Variants in EXOC6B observed in about 807,000 individuals in gnomAD.
The protein encoded by EXOC6B is SEC15 homolog B.
In EXOC6B, 54 loss-of-function variants were observed where a neutral mutation model predicts 113.5. The observed-to-expected ratio is 0.48, with a 90% CI of 0.38 to 0.60. The LOEUF (loss-of-function observed/expected upper bound fraction) is 0.60, where lower values mean the gene tolerates loss of function less well. Ranked by LOEUF, EXOC6B falls within the 20% of genes least tolerant of loss-of-function variation. EXOC6B has a pLI of 0.00. For synonymous variants in EXOC6B, 357 were observed against 339.0 expected (o/e 1.05, Z -0.58); for missense variants, 797 against 977.5 (o/e 0.82, Z 2.46).
At chr2:72,756,910 T>C (rs1682449563) in intron 1 of EXOC6B, among the ~76,000 whole-genome samples, 1 of 152,168 alleles carries the variant, frequency 6.6e-6, no homozygotes, top group Non-Finnish European at 1.5e-5. Context: ...TGTAAAACTA[T>C]ATACACATTC....
intron 18 of EXOC6B, among the ~76,000 whole-genome samples, chr2:72,439,244 G>A (rs1441473852): frequency 6.6e-6 from 1 of 152,096 alleles, no homozygotes; most frequent in Non-Finnish European, 1.5e-5. Flanking sequence ...TATTTAACTA[G>A]GGTTCTCTGA....
At chr2:72,416,524 T>C (rs1694534229) in intron 18 of EXOC6B, among the ~76,000 whole-genome samples, 1 of 152,210 alleles carries the variant, frequency 6.6e-6, no homozygotes. Context: ...CAGCAGCCAC[T>C]TAACTATGTA....
At chr2:72,751,731 C>T (rs974166882) in intron 1 of EXOC6B, among the ~76,000 whole-genome samples, 1 of 151,794 alleles carries the variant, frequency 6.6e-6, no homozygotes, top group African/African-American at 2.4e-5. Context: ...AGACGAAAGA[C>T]GGAAAACACT....
chr2:72,507,622 TCA>T (rs1483234617), intron 11 of EXOC6B, among the ~76,000 whole-genome samples: 2 of 152,094 alleles, frequency 1.3e-5, no homozygotes, highest in Non-Finnish European at 2.9e-5. Flanking sequence ...CCTTTAGCTA[TCA>T]CCTCTTTAAT....
chr2:72,652,440 G>A (rs1324727296), intron 6 of EXOC6B, among the ~76,000 whole-genome samples: 1 of 151,956 alleles, frequency 6.6e-6, no homozygotes, highest in East Asian at 1.9e-4. Context: ...TGATTATATA[G>A]GATACATATC....
At chr2:72,195,446 G>A (rs73942555) in intron 20 of EXOC6B, among the ~76,000 whole-genome samples, 2,397 of 152,344 alleles carry the variant, frequency 0.016, 58 homozygotes, top group African/African-American at 0.054. Context: ...GCAGGCAGGT[G>A]TGAATTTTCA....
intron 6 of EXOC6B, among the ~76,000 whole-genome samples, chr2:72,655,705 TA>T (rs1049811371): frequency 2.4e-4 from 37 of 152,192 alleles, no homozygotes; most frequent in African/African-American, 8.2e-4. Context: ...ATATTTAATT[TA>T]AAAAATTCAA....
intron 20 of EXOC6B, among the ~76,000 whole-genome samples, chr2:72,324,775 G>C (rs982540992): frequency 5.9e-5 from 9 of 152,028 alleles, no homozygotes; most frequent in African/African-American, 2.2e-4. Context: ...GAAATTTGTG[G>C]TTACAGAAGC....
chr2:72,472,589 G>A (rs1395732481), intron 17 of EXOC6B, among the ~76,000 whole-genome samples: 1 of 151,880 alleles, frequency 6.6e-6, no homozygotes, highest in African/African-American at 2.4e-5. Flanking sequence ...AGTCTTCACT[G>A]TACTCTTCTT....
chr2:72,228,016 A>T lies in EXOC6B; in HGVS notation c.2197-43829T>A, dbSNP rs141649204. On this transcript the variant is annotated intron_variant, in intron 20 of 21. Transcript: ENST00000272427. ...GGCAAGGAATTTGGGGGAAGGTATG[A>T]TTGAAGTATAGATGAGAGAGAAAAA... 1.9e-3 allele frequency among the ~76,000 whole-genome samples: 286 copies of T among 152,302 alleles called. 1 individual carries two copies. The highest frequency in any genetic ancestry group is 6.3e-3 in the African/African-American group (262 of 41,582).
intron 20 of EXOC6B, among the ~76,000 whole-genome samples, chr2:72,330,552 T>C (rs1363975625): frequency 6.6e-6 from 1 of 152,126 alleles, no homozygotes; most frequent in Non-Finnish European, 1.5e-5. Context: ...CCCTTAACAA[T>C]GCTTGACTTT....
intron 20 of EXOC6B, among the ~76,000 whole-genome samples, chr2:72,253,995 C>T (rs771541898): frequency 1.3e-5 from 2 of 152,004 alleles, no homozygotes; most frequent in Non-Finnish European, 2.9e-5. Flanking sequence ...CCCATCTCTA[C>T]TAAAAATATA....
chr2:72,732,458 G>C (rs1383133940), intron 3 of EXOC6B, among the ~76,000 whole-genome samples: 3 of 152,108 alleles, frequency 2.0e-5, no homozygotes, highest in Admixed American at 6.6e-5. Context: ...CTCAGCCACT[G>C]TGCCTGGTTG....
chr2:72,378,172 C>A (rs1691468468), intron 19 of EXOC6B, among the ~76,000 whole-genome samples: 1 of 152,192 alleles, frequency 6.6e-6, no homozygotes, highest in African/African-American at 2.4e-5. Flanking sequence ...CTCTGCCAAG[C>A]CTCACAGAGT....
chr2:72,681,694 G>C (rs932968008), intron 6 of EXOC6B, among the ~76,000 whole-genome samples: 10 of 151,676 alleles, frequency 6.6e-5, no homozygotes, highest in African/African-American at 2.4e-4. Context: ...TAAAATATTA[G>C]CTGTGTACGT....
chr2:72,766,252 G>C (rs1683054701), intron 1 of EXOC6B, among the ~76,000 whole-genome samples: 1 of 152,150 alleles, frequency 6.6e-6, no homozygotes, highest in Admixed American at 6.5e-5. Flanking sequence ...GTCGTTGACT[G>C]GATTAAATAT....
At chr2:72,693,403 G>A (rs922314365) in intron 6 of EXOC6B, among the ~76,000 whole-genome samples, 4 of 151,958 alleles carry the variant, frequency 2.6e-5, no homozygotes, top group Admixed American at 6.6e-5. Flanking sequence ...ATAAAAGCAT[G>A]TTCTGAATAA....
At chr2:72,648,372 C>T (rs1422943938) in intron 6 of EXOC6B, among the ~76,000 whole-genome samples, 1 of 152,188 alleles carries the variant, frequency 6.6e-6, no homozygotes, top group Non-Finnish European at 1.5e-5. Context: ...GACAGTGTGG[C>T]GATTCCTCAA....
intron 7 of EXOC6B, among the ~76,000 whole-genome samples, chr2:72,565,533 G>A (rs1193226518): frequency 3.3e-5 from 5 of 151,890 alleles, no homozygotes; most frequent in African/African-American, 1.2e-4. Context: ...ATGAGGAAAA[G>A]TAGGTTAAAA....
Sources: gnomAD v4.1 joint callset for allele counts (sites outside exome capture counted in the v4.1 genomes callset) on GRCh38, gnomAD v4.1.1 for gene constraint, MANE v1.5 for transcripts, NCBI Gene and HGNC (gene_info 2026-07-23, HGNC 2026-07-21) for gene names.